The following GPR161 variants were observed in gnomAD, a reference collection of about 807,000 sequenced individuals.
The protein encoded by GPR161 is G-protein coupled receptor RE2.
In GPR161, 25 loss-of-function variants were observed where a neutral mutation model predicts 39.2. That is an observed-to-expected ratio of 0.64 (90% confidence interval 0.47 to 0.89). GPR161 has a LOEUF of 0.89. Among genes scored for constraint, GPR161 ranks in the 40% least tolerant of loss-of-function variants. The pLI is 0.00. For missense variants in GPR161, 547 were observed against 677.8 expected (o/e 0.81, Z 2.14); for synonymous variants, 286 against 276.6 (o/e 1.03, Z -0.34).
intron 1 of GPR161, among the ~76,000 whole-genome samples, chr1:168,117,544 A>G (rs1419676283): frequency 6.6e-6 from 1 of 152,184 alleles, no homozygotes; most frequent in African/African-American, 2.4e-5. Context: ...CAGGGATAAT[A>G]GGAGTATCTA....
chr1:168,116,354 C>T (rs1335778918), intron 1 of GPR161, among the ~76,000 whole-genome samples: 1 of 152,192 alleles, frequency 6.6e-6, no homozygotes, highest in African/African-American at 2.4e-5. Flanking sequence ...TTCCTAAACA[C>T]CACTTCCAAC....
intron 2 of GPR161, 43 bp downstream of exon 2, chr1:168,104,434 C>T: frequency 6.6e-7 from 1 of 1,525,418 alleles, no homozygotes; most frequent in Non-Finnish European, 9.0e-7. Context: ...AGATGAGCGC[C>T]CGTCAGTAAT....
intron 1 of GPR161, among the ~76,000 whole-genome samples, chr1:168,106,677 T>C (rs976409810): frequency 3.3e-5 from 5 of 152,258 alleles, no homozygotes; most frequent in Non-Finnish European, 7.3e-5. Context: ...TGAATTTCTG[T>C]GAAGACAGAT....
chr1:168,104,564 C>T lies in GPR161; in HGVS notation c.287G>A (p.Gly96Asp). 1 of 1,614,020 alleles carries T rather than the reference C, an allele frequency of 6.2e-7. No homozygotes were observed. The highest frequency in any genetic ancestry group is 2.2e-5 in the East Asian group (1 of 44,892). Residue 96 changes from glycine (G) to aspartate (D), a missense_variant, in exon 2 of 6, where the codon GGT (glycine) becomes GAT (aspartate). Transcript: ENST00000682931. ...GGCAGAGAAGTTGCACCACACTACA[C>T]CAAAGATCCATTCCCTGCGGATGGA... is the stretch of plus-strand genomic sequence containing the variant. ...TSSIRREWIF[G>D]VVWCNFSALL...
intron 1 of GPR161, among the ~76,000 whole-genome samples, chr1:168,129,569 C>A (rs188458991): frequency 6.6e-6 from 1 of 152,276 alleles, no homozygotes; most frequent in Admixed American, 6.5e-5. Context: ...CAAGTAGAGA[C>A]AAAGGCTTGG....
chr1:168,108,486 T>TAAAAAAAAAAAAAAAA (rs10670498), intron 1 of GPR161, among the ~76,000 whole-genome samples: 208 of 17,454 alleles, frequency 0.012, 37 homozygotes, highest in East Asian at 0.02. Context: ...GCCCTAGTTG[T>TAAAAAAAAAAAAAAAA]AAAAAAAAAA....
At chr1:168,108,269 A>C (rs1696793454) in intron 1 of GPR161, among the ~76,000 whole-genome samples, 1 of 151,908 alleles carries the variant, frequency 6.6e-6, no homozygotes, top group South Asian at 2.1e-4. Flanking sequence ...TCCATGAGGG[A>C]TCTACCCCAC....
intron 1 of GPR161, among the ~76,000 whole-genome samples, chr1:168,125,448 CAA>C (rs1200233006): frequency 6.6e-6 from 1 of 152,088 alleles, no homozygotes; most frequent in Non-Finnish European, 1.5e-5. Flanking sequence ...TCAGAAAGGC[CAA>C]TATATAAGTG....
At chr1:168,136,202 C>T in intron 1 of GPR161, 1 of 1,276,980 alleles carries the variant, frequency 7.8e-7, no homozygotes, top group Non-Finnish European at 9.9e-7. Context: ...ACCCGCCGCC[C>T]GCCCAGGCTC....
intron 4 of GPR161, 51 bp from the exon 5 acceptor site, chr1:168,087,755 T>C (rs773134543): frequency 9.7e-6 from 15 of 1,552,066 alleles, no homozygotes; most frequent in Non-Finnish European, 1.2e-5. Context: ...AAAGTCCTCC[T>C]GGCCTCTTCT....
chr1:168,104,650 G>A lies in GPR161; in HGVS notation c.201C>T (p.Phe67=). The A allele has an allele frequency of 6.2e-7, 1 of 1,614,116 alleles. No homozygotes were observed. Among genetic ancestry groups the A allele is most frequent in the South Asian group, 1.1e-5 (1 of 91,072 alleles). ...GCAGGAAGTTGGACAGAGTCAGGCT[G>A]AAGACGAACTTGTTGCTGAGGGTGA... The part of the protein sequence containing the change: ...YLLTLSNKFV[F]SLTLSNFLLS... Residue 67 remains phenylalanine, a synonymous_variant, in exon 2 of 6, where the codon TTC becomes TTT. Coordinates refer to ENST00000682931, the MANE Select transcript of GPR161 (RefSeq NM_001375883.1).
intron 1 of GPR161, among the ~76,000 whole-genome samples, chr1:168,132,076 C>T (rs767890415): frequency 9.2e-5 from 14 of 152,000 alleles, no homozygotes; most frequent in Non-Finnish European, 1.5e-4. Flanking sequence ...ACCAGCCTCG[C>T]CAATATGGTG....
intron 3 of GPR161, among the ~76,000 whole-genome samples, chr1:168,094,228 A>AT (rs1205969345): frequency 2.0e-5 from 3 of 151,734 alleles, no homozygotes; most frequent in East Asian, 1.9e-4. Flanking sequence ...TTCTGTCCTC[A>AT]TTTTTTTTCC....
chr1:168,090,830 C>T (rs757947505), intron 3 of GPR161, among the ~76,000 whole-genome samples, 162 bp from the exon 4 acceptor site: 14 of 152,248 alleles, frequency 9.2e-5, no homozygotes, highest in Non-Finnish European at 1.9e-4. Flanking sequence ...CCTCCTGGCT[C>T]GCCCCTCTTT....
intron 1 of GPR161, chr1:168,135,045 CAA>C (rs765368670): frequency 4.6e-6 from 7 of 1,512,278 alleles, no homozygotes; most frequent in African/African-American, 1.4e-5. Flanking sequence ...GGCTGCAACA[CAA>C]AGAGAACGGT....
At chr1:168,086,394 T>C (rs1165920348) in intron 5 of GPR161, among the ~76,000 whole-genome samples, 3 of 152,230 alleles carry the variant, frequency 2.0e-5, no homozygotes, top group African/African-American at 7.2e-5. Context: ...CCCTGTTCCC[T>C]GTTATTATTA....
chr1:168,085,095 T>C lies in GPR161; in HGVS notation c.*436A>G, dbSNP rs73028189. On this transcript the variant is annotated 3_prime_UTR_variant, in exon 6 of 6. Coordinates refer to ENST00000682931, the MANE Select transcript of GPR161 (RefSeq NM_001375883.1). Reference sequence around the variant, plus strand: ...TGCTGTGTCATCCTTCACAGTACACTGGGGAGGGTTCTCCTCCTGAGGCAT... The same window carrying C: ...TGCTGTGTCATCCTTCACAGTACACCGGGGAGGGTTCTCCTCCTGAGGCAT... 2.4e-4 allele frequency: 112 copies of C among 458,626 alleles called. No homozygotes were observed. The highest frequency in any genetic ancestry group is 2.1e-3 in the African/African-American group (106 of 50,324). 28.4% of individuals were successfully genotyped at this position (458,626 alleles called of 1,614,324 possible).
At position 168,104,937 on chromosome 1, in the gene GPR161, C is replaced by G. The variant is rs563864644; in HGVS notation, c.-44-43G>C. On this transcript the variant is annotated intron_variant, in intron 1 of 5. Coordinates refer to ENST00000682931, the MANE Select transcript of GPR161 (RefSeq NM_001375883.1). ...GACCAGGGGACAGGAAAAGATTCAT[C>G]AAATCACATCGTCTCCACCTTAGGG... The G allele has an allele frequency of 5.2e-5, 76 of 1,465,556 alleles. No individual in the cohort carries two copies. In the African/African-American group the frequency reaches 9.0e-4, roughly 17 times the overall value. The allele number at this position is 1,465,556 out of a possible 1,614,324, so 90.8% of individuals were successfully genotyped here.
intron 2 of GPR161, among the ~76,000 whole-genome samples, chr1:168,101,552 A>G (rs1696106026): frequency 6.6e-6 from 1 of 152,210 alleles, no homozygotes; most frequent in Non-Finnish European, 1.5e-5. Context: ...CAAAGCGTCC[A>G]GGCTCGGGCA....
Sources: gnomAD v4.1 joint callset for allele counts (sites outside exome capture counted in the v4.1 genomes callset) on GRCh38, gnomAD v4.1.1 for gene constraint, MANE v1.5 for transcripts, NCBI Gene and HGNC (gene_info 2026-07-23, HGNC 2026-07-21) for gene names.